Variants in CCDC33 observed in about 807,000 individuals in gnomAD.
The protein encoded by CCDC33 is coiled-coil domain-containing protein 33.
A neutral mutation model predicts 91.9 loss-of-function variants in CCDC33; 94 were observed. The observed-to-expected ratio is 1.02, with a 90% CI of 0.87 to 1.21. The LOEUF is 1.21. Ranked by LOEUF, CCDC33 falls within the 50% of genes most tolerant of loss-of-function variation. The pLI is 0.00. For missense variants in CCDC33, 940 were observed against 935.5 expected (o/e 1.00, Z -0.06); for synonymous variants, 396 against 374.5 (o/e 1.06, Z -0.66).
At chr15:74,322,857 C>A (rs1332570718) in intron 11 of CCDC33, among the ~76,000 whole-genome samples, 1 of 152,136 alleles carries the variant, frequency 6.6e-6, no homozygotes, top group Non-Finnish European at 1.5e-5. Flanking sequence ...TGGGTGGCCG[C>A]CCAAGGAAGG....
intron 8 of CCDC33, 133 bp downstream of exon 8, chr15:74,280,225 TGCAG>T: frequency 9.3e-7 from 1 of 1,080,628 alleles, no homozygotes; most frequent in South Asian, 1.5e-5. Flanking sequence ...GGCTTCCTAA[TGCAG>T]GCAGAGGAGA....
rs547645589 is a variant in CCDC33, at chr15:74,312,372, G to T, written c.1290+16424G>T. Among the ~76,000 whole-genome samples, 42 of 152,314 alleles carry T rather than the reference G, an allele frequency of 2.8e-4. 1 individual carries two copies. The highest frequency in any genetic ancestry group is 1.0e-3 in the African/African-American group (42 of 41,570). On this transcript the variant is annotated intron_variant, in intron 11 of 18. Transcript: ENST00000398814. ...GCCCCAGCCCAGGAGGGTCCCCCGT[G>T]CCTAGAGGTGTGAAGGGTAATGAGG...
At chr15:74,313,690 G>A (rs1168133981) in intron 11 of CCDC33, among the ~76,000 whole-genome samples, 1 of 152,102 alleles carries the variant, frequency 6.6e-6, no homozygotes, top group East Asian at 1.9e-4. Context: ...AACCCCGGAG[G>A]GCTATGAATG....
At chr15:74,333,024 G>A (rs900486419) in intron 16 of CCDC33, 179 bp downstream of exon 16, 6 of 773,054 alleles carry the variant, frequency 7.8e-6, no homozygotes, top group Admixed American at 2.8e-5. Context: ...CGGAATGTGT[G>A]TCCCCGAACA....
intron 2 of CCDC33, among the ~76,000 whole-genome samples, chr15:74,254,793 G>C (rs1005305139): frequency 6.8e-6 from 1 of 147,308 alleles, no homozygotes; most frequent in African/African-American, 2.6e-5. Context: ...TGTCACCCAG[G>C]CTGGTGTGCA....
chr15:74,219,336 T>C (rs1479949632), intron 2 of CCDC33, among the ~76,000 whole-genome samples: 1 of 152,202 alleles, frequency 6.6e-6, no homozygotes, highest in East Asian at 1.9e-4. Context: ...CCTATGACCA[T>C]GTTCTGTGAC....
chr15:74,220,281 C>T (rs907098737), intron 2 of CCDC33, among the ~76,000 whole-genome samples: 3 of 152,212 alleles, frequency 2.0e-5, no homozygotes, highest in African/African-American at 7.2e-5. Context: ...ACTATGGCCT[C>T]TGTCCATTAA....
chr15:74,265,979 A>G (rs1279205045), intron 3 of CCDC33, among the ~76,000 whole-genome samples: 1 of 152,208 alleles, frequency 6.6e-6, no homozygotes, highest in Non-Finnish European at 1.5e-5. Flanking sequence ...AGCTGAGATC[A>G]TGCCACCACA....
At chr15:74,324,532 G>A (rs1358944517) in intron 11 of CCDC33, among the ~76,000 whole-genome samples, 5 of 152,054 alleles carry the variant, frequency 3.3e-5, no homozygotes, top group South Asian at 2.1e-4. Context: ...TGCTCTCGCC[G>A]CTTTTCCTCC....
At chr15:74,326,920 G>C (rs988051124) in intron 11 of CCDC33, among the ~76,000 whole-genome samples, 1 of 152,178 alleles carries the variant, frequency 6.6e-6, no homozygotes, top group African/African-American at 2.4e-5. Flanking sequence ...GGTTGGGGAG[G>C]CCCAGCTCCA....
intron 5 of CCDC33, among the ~76,000 whole-genome samples, chr15:74,270,890 A>G (rs1018460755): frequency 6.6e-6 from 1 of 152,132 alleles, no homozygotes; most frequent in East Asian, 1.9e-4. Flanking sequence ...CGCCAATAGA[A>G]GCCTGGAGTA....
intron 2 of CCDC33, among the ~76,000 whole-genome samples, chr15:74,227,366 T>G (rs752652045): frequency 1.3e-5 from 2 of 152,192 alleles, no homozygotes; most frequent in Admixed American, 1.3e-4. Flanking sequence ...CCTCAGCCCA[T>G]GCAGCACTAA....
intron 10 of CCDC33, among the ~76,000 whole-genome samples, chr15:74,284,596 A>T (rs1480946715): frequency 6.6e-6 from 1 of 152,216 alleles, no homozygotes; most frequent in Non-Finnish European, 1.5e-5. Context: ...AAGAAAAAAA[A>T]ACAATCAGGC....
At chr15:74,235,891 T>C (rs1400683465), upstream of CCDC33, among the ~76,000 whole-genome samples, 1 of 152,190 alleles carries the variant, frequency 6.6e-6, no homozygotes, top group African/African-American at 2.4e-5. Flanking sequence ...GCTCTTACCC[T>C]CTTCTCTCCC....
intron 5 of CCDC33, among the ~76,000 whole-genome samples, chr15:74,270,788 G>A (rs2076292862): frequency 6.6e-6 from 1 of 152,132 alleles, no homozygotes; most frequent in African/African-American, 2.4e-5. Context: ...CCCAGACTGA[G>A]CAGGGGGTCA....
chr15:74,265,910 G>C (rs2076154626), intron 3 of CCDC33, among the ~76,000 whole-genome samples: 1 of 152,196 alleles, frequency 6.6e-6, no homozygotes, highest in Non-Finnish European at 1.5e-5. Context: ...TGTAATCCCA[G>C]CTACTTGGGA....
chr15:74,336,090 G>T lies in CCDC33; in HGVS notation c.*37G>T, dbSNP rs1311289539. 2 of 1,605,212 alleles carry T rather than the reference G, an allele frequency of 1.2e-6. No homozygotes were observed. The highest frequency in any genetic ancestry group is 2.2e-5 in the South Asian group (2 of 90,704). On this transcript the variant is annotated 3_prime_UTR_variant, in exon 19 of 19. Transcript: ENST00000398814. Reference sequence around the variant, plus strand: ...GGCCTCCTTCCCTGTGTGCTGGGGAGTCTCATCACCGCCCCCTAAAAATGA... The same window carrying T: ...GGCCTCCTTCCCTGTGTGCTGGGGATTCTCATCACCGCCCCCTAAAAATGA...
chr15:74,218,642 A>G lies in CCDC33; in HGVS notation c.456A>G (p.Pro152=). The G allele has an allele frequency of 1.6e-6, 2 of 1,289,850 alleles. No homozygotes were observed. Among genetic ancestry groups the G allele is most frequent in the African/African-American group, 3.0e-5 (2 of 65,980 alleles). The allele number at this position is 1,289,850 out of a possible 1,614,324, so 79.9% of individuals were successfully genotyped here. A position where few individuals can be genotyped will look rare whatever the true frequency, so the allele number is the denominator to read the frequency against. The change falls in exon 2 of 3, where the codon CCA becomes CCG. Residue 152 remains proline (P), a synonymous_variant. Transcript: ENST00000635913. The surrounding 1 kb of genome is among the most constrained non-coding windows in gnomAD (Gnocchi z 4.8). ...GGCCAGACCAACCCCGCATGAACCC[A>G]AAGGCTCAGGATCACGAGGACCTGT...
At chr15:74,248,082 A>G (rs544021272) in intron 2 of CCDC33, among the ~76,000 whole-genome samples, 6 of 152,272 alleles carry the variant, frequency 3.9e-5, no homozygotes, top group African/African-American at 1.4e-4. Flanking sequence ...GTCTAAAAAA[A>G]AAAAGATATT....
Sources: allele counts gnomAD v4.1 joint callset (sites outside exome capture counted in the v4.1 genomes callset), GRCh38; gene constraint gnomAD v4.1.1; non-coding constraint Gnocchi (gnomAD v3.1); transcripts MANE v1.5; gene names NCBI Gene and HGNC (gene_info 2026-07-23, HGNC 2026-07-21).